Variants in FNDC3B observed in about 807,000 individuals in gnomAD.
The protein encoded by FNDC3B is fibronectin type III domain-containing protein 3B.
A neutral mutation model predicts 151.5 loss-of-function variants in FNDC3B; 12 were observed. The observed-to-expected ratio is 0.08, with a 90% CI of 0.05 to 0.13. The LOEUF is 0.13. FNDC3B is among the 10% of genes least tolerant of loss of function. The pLI is 1.00. For missense variants in FNDC3B, 1,214 were observed against 1,505.3 expected, an observed-to-expected ratio of 0.81 and a Z score of 3.20; for synonymous variants, 528 against 549.0, an observed-to-expected ratio of 0.96 and a Z score of 0.54.
chr3:172,382,691 G>A (rs978893634), intron 25 of FNDC3B, among the ~76,000 whole-genome samples: 3 of 152,140 alleles, frequency 2.0e-5, no homozygotes, highest in East Asian at 3.8e-4. Flanking sequence ...TATATAGCTA[G>A]CCAGTTTTTC....
At chr3:172,066,399 CTG>C (rs934060241) in intron 1 of FNDC3B, among the ~76,000 whole-genome samples, 1 of 152,214 alleles carries the variant, frequency 6.6e-6, no homozygotes, top group Admixed American at 6.5e-5. Flanking sequence ...GATGAGAAAA[CTG>C]AGACTTTGGG....
At chr3:172,143,686 G>A (rs1176742741) in intron 3 of FNDC3B, among the ~76,000 whole-genome samples, 4 of 151,902 alleles carry the variant, frequency 2.6e-5, no homozygotes, top group Non-Finnish European at 4.4e-5. Context: ...CGAGGCGGGC[G>A]GATCATGAGG....
chr3:172,204,143 G>T (rs1725308743), intron 3 of FNDC3B, among the ~76,000 whole-genome samples: 1 of 152,206 alleles, frequency 6.6e-6, no homozygotes, highest in African/African-American at 2.4e-5. Context: ...GCCTTGAATG[G>T]ATCCTCTTGT....
At chr3:172,311,370 C>T (rs572762130) in intron 11 of FNDC3B, among the ~76,000 whole-genome samples, 173 of 152,246 alleles carry the variant, frequency 1.1e-3, no homozygotes, top group Non-Finnish European at 2.0e-3. Flanking sequence ...TGCGAGTGCC[C>T]TGTGGGTTAG....
intron 14 of FNDC3B, among the ~76,000 whole-genome samples, chr3:172,333,529 G>A (rs973182880): frequency 1.9e-5 from 2 of 103,430 alleles, no homozygotes; most frequent in East Asian, 2.5e-4. Context: ...ATTTTTAGTT[G>A]AGACGGGGGT....
chr3:172,109,907 G>T (rs955796587), intron 1 of FNDC3B, among the ~76,000 whole-genome samples: 2 of 152,180 alleles, frequency 1.3e-5, no homozygotes, highest in African/African-American at 4.8e-5. Flanking sequence ...GAAAAGAGAT[G>T]GTTTTGCACA....
chr3:172,059,757 T>A (rs1717097534), intron 1 of FNDC3B, among the ~76,000 whole-genome samples: 1 of 152,244 alleles, frequency 6.6e-6, no homozygotes, highest in Non-Finnish European at 1.5e-5. Flanking sequence ...ATAAACTTGC[T>A]TAACTTTTAG....
intron 16 of FNDC3B, among the ~76,000 whole-genome samples, chr3:172,339,089 A>G (rs1733151513): frequency 1.3e-5 from 2 of 152,076 alleles, no homozygotes; most frequent in Admixed American, 1.3e-4. Flanking sequence ...AACAGAGAGC[A>G]TTGATAAAAC....
At chr3:172,363,206 G>A (rs1734448488) in intron 23 of FNDC3B, among the ~76,000 whole-genome samples, 1 of 152,108 alleles carries the variant, frequency 6.6e-6, no homozygotes, top group Admixed American at 6.5e-5. Context: ...AGGAAGAGAT[G>A]TTACCTCTTT....
rs1732598764 is a variant in FNDC3B at position 172,330,638 on chromosome 3, T to C, written c.1477T>C (p.Leu493=). 1 of 1,614,172 alleles carries C rather than the reference T, an allele frequency of 6.2e-7. No individual in the cohort carries two copies. The highest frequency in any genetic ancestry group is 8.5e-7 in the Non-Finnish European group (1 of 1,180,004). Residue 493 remains leucine (L), a synonymous_variant, in exon 13 of 26, where the codon TTG becomes CTG. Coordinates refer to ENST00000415807, the MANE Select transcript of FNDC3B (RefSeq NM_022763.4). ...TCGAGCTGGCATCACATGGGTCACG[T>C]TGCAGTGGAGTAAGCCAGAAGGCTG... ...LVRAGITWVT[L]QWSKPEGCSP... is the part of the protein sequence containing the mutation.
At chr3:172,118,506 C>T (rs539817655) in intron 2 of FNDC3B, among the ~76,000 whole-genome samples, 1 of 152,232 alleles carries the variant, frequency 6.6e-6, no homozygotes, top group East Asian at 1.9e-4. Context: ...GACGATTACC[C>T]AGGAGAAAGA....
chr3:172,380,863 G>A, intron 24 of FNDC3B, 103 bp from the exon 25 acceptor site: 1 of 1,338,526 alleles, frequency 7.5e-7, no homozygotes, highest in South Asian at 1.3e-5. Context: ...GCAAACACAG[G>A]CACAATCTTG....
At chr3:172,297,560 C>T (rs1054269818) in intron 8 of FNDC3B, among the ~76,000 whole-genome samples, 7 of 152,050 alleles carry the variant, frequency 4.6e-5, no homozygotes, top group South Asian at 2.1e-4. Flanking sequence ...CTGCAAGCTC[C>T]GCCTCCTGGG....
In FNDC3B at chr3:172,053,971, G is replaced by A. The variant is rs145045173; in HGVS notation, c.-29+14200G>A. Reference sequence around the variant, plus strand: ...GAATGGGAAAAATTTGAGACAGTTGGTTAAGAAATGGTAGTGAAGCTTTAC... The same window carrying A: ...GAATGGGAAAAATTTGAGACAGTTGATTAAGAAATGGTAGTGAAGCTTTAC... On this transcript the variant is annotated intron_variant, in intron 1 of 25. Transcript: ENST00000415807. Among the ~76,000 whole-genome samples the A allele has an allele frequency of 1.1e-3, 163 of 152,214 alleles. 2 individuals carry two copies. Among genetic ancestry groups the A allele is most frequent in the African/African-American group, 3.7e-3 (152 of 41,528 alleles).
chr3:172,331,163 C>T (rs1049381148), intron 13 of FNDC3B, among the ~76,000 whole-genome samples: 1 of 152,126 alleles, frequency 6.6e-6, no homozygotes, highest in Admixed American at 6.5e-5. Context: ...TGGAGAACAT[C>T]ATCTTGTAAA....
rs116698531 is a variant in FNDC3B, at chr3:172,375,673, T to C, written c.3009-2597T>C. On this transcript the variant is annotated intron_variant, in intron 23 of 25. Coordinates refer to ENST00000415807, the MANE Select transcript of FNDC3B (RefSeq NM_022763.4). ...CCAGTCAAAGCAGTGATGGCTTTGA[T>C]CAGAGCAACGAGCAGATCATGATTT... Among the ~76,000 whole-genome samples, 570 of 152,314 alleles carry C rather than the reference T, an allele frequency of 3.7e-3. 1 individual carries two copies. Among genetic ancestry groups the C allele is most frequent in the African/African-American group, 0.013 (545 of 41,560 alleles).
Position 172,394,106 on chromosome 3 carries a change from TAAAAAAAAAAAAAAA to T in FNDC3B, c.3304-3042_3304-3028del, listed in dbSNP as rs60559371. Among the ~76,000 whole-genome samples the T allele has an allele frequency of 3.0e-3, 50 of 16,652 alleles. 2 individuals carry two copies. Among genetic ancestry groups the T allele is most frequent in the African/African-American group, 6.3e-3 (29 of 4,616 alleles). The allele number at this position is 16,652 out of a possible 152,430, so 10.9% of individuals were successfully genotyped here. A position where few individuals can be genotyped will look rare whatever the true frequency, so the allele number is the denominator to read the frequency against. The stretch of plus-strand genomic sequence containing the variant: ...CTGGGTGACAGAGTGAGACTCCTTC[TAAAAAAAAAAAAAAA>T]AAAAAAAAAAAAAAATGGATACAGC... On this transcript the variant is annotated intron_variant, in intron 25 of 25. Transcript: ENST00000415807.
At chr3:172,382,137 T>G (rs1224267463) in intron 25 of FNDC3B, among the ~76,000 whole-genome samples, 1 of 152,202 alleles carries the variant, frequency 6.6e-6, no homozygotes, top group Non-Finnish European at 1.5e-5. Flanking sequence ...CATCTGTTGT[T>G]TCCTGACTTT....
intron 17 of FNDC3B, among the ~76,000 whole-genome samples, chr3:172,341,913 A>AT (rs1733346337): frequency 6.6e-6 from 1 of 152,246 alleles, no homozygotes; most frequent in African/African-American, 2.4e-5. Context: ...TCTAGAAATA[A>AT]TTGTTATCTA....
Sources: allele counts gnomAD v4.1 joint callset (sites outside exome capture counted in the v4.1 genomes callset), GRCh38; gene constraint gnomAD v4.1.1; transcripts MANE v1.5; gene names NCBI Gene and HGNC (gene_info 2026-07-23, HGNC 2026-07-21).